The following PKIB variants were observed in gnomAD, a reference collection of about 807,000 sequenced individuals.
The protein encoded by PKIB is PKI-beta.
Under a neutral mutation model 4.5 loss-of-function variants are expected in PKIB, and 2 were observed. The observed-to-expected ratio is 0.44, with a 90% CI of 0.18 to 1.39. The LOEUF is 1.39. PKIB is among the 40% of genes most tolerant of loss of function. The probability of loss-of-function intolerance (pLI) is 0.27; values close to 1 mark genes in which losing one functional copy is unlikely to be tolerated. For missense variants in PKIB, 94 were observed against 92.6 expected, an observed-to-expected ratio of 1.02 and a Z score of -0.06; for synonymous variants, 38 against 36.0, an observed-to-expected ratio of 1.06 and a Z score of -0.20.
At chr6:122,579,768 C>T (rs1415147453) in intron 2 of PKIB, among the ~76,000 whole-genome samples, 3 of 152,060 alleles carry the variant, frequency 2.0e-5, no homozygotes, top group Admixed American at 6.6e-5. Context: ...AAAGCAGCAA[C>T]CTCTTCAGGT....
At position 122,549,891 on chromosome 6, in the gene PKIB, T is replaced by TACAC. The variant is rs757275679; in HGVS notation, c.-247-36014_-247-36011dup. Among the ~76,000 whole-genome samples, 36 of 144,170 alleles carry TACAC rather than the reference T, an allele frequency of 2.5e-4. 1 individual carries two copies. The highest frequency in any genetic ancestry group is 3.6e-3 in the Middle Eastern group (1 of 274). The allele number at this position is 144,170 out of a possible 152,430, so 94.6% of individuals were successfully genotyped here. A position where few individuals can be genotyped will look rare whatever the true frequency, so the allele number is the denominator to read the frequency against. On this transcript the variant is annotated intron_variant, in intron 2 of 6. Coordinates refer to the PKIB transcript ENST00000392491. ...ATATAAAAATATATAATTTTATATA[T>TACAC]ACACACACACACACACACATATATA...
intron 3 of PKIB, among the ~76,000 whole-genome samples, chr6:122,594,239 T>C (rs1185286618): frequency 2.0e-5 from 3 of 151,892 alleles, no homozygotes; most frequent in Middle Eastern, 3.2e-3. Context: ...GATGGAGTCT[T>C]GCTCTGTCAC....
At chr6:122,630,292 G>T (rs1265000006) in intron 1 of PKIB, among the ~76,000 whole-genome samples, 3 of 151,950 alleles carry the variant, frequency 2.0e-5, no homozygotes, top group African/African-American at 7.3e-5. Context: ...GTCCATTGAT[G>T]GATGAATACA....
rs1214178420 is a variant in PKIB, at chr6:122,725,352, T to C, written c.*157T>C. The C allele has an allele frequency of 9.8e-6, 6 of 612,750 alleles. No homozygotes were observed. In the East Asian group the frequency reaches 1.7e-4, roughly 17 times the overall value. The allele number at this position is 612,750 out of a possible 1,614,324, so 38.0% of individuals were successfully genotyped here. ...AATTGTGTTGTGATGCTACTCACTTTGATTGCAATGATGATGTCCAAGGTA... is the reference window on the plus strand; with the variant it reads ...AATTGTGTTGTGATGCTACTCACTTCGATTGCAATGATGATGTCCAAGGTA... On this transcript the variant is annotated 3_prime_UTR_variant, in exon 5 of 5. Coordinates refer to ENST00000368452, the MANE Select transcript of PKIB (RefSeq NM_181795.3).
intron 3 of PKIB, chr6:122,701,172 T>C (rs7743671): frequency 0.69 from 229,268 of 332,774 alleles, 82,413 homozygotes; most frequent in Non-Finnish European, 0.79. Flanking sequence ...GAAAGGTCAC[T>C]ACCTTTGCAT....
intron 1 of PKIB, among the ~76,000 whole-genome samples, chr6:122,611,758 G>T (rs1206032985): frequency 6.6e-6 from 1 of 152,118 alleles, no homozygotes; most frequent in Non-Finnish European, 1.5e-5. Context: ...AATGAGAACT[G>T]ATGACCATAA....
chr6:122,513,582 G>A (rs958224862), intron 2 of PKIB, among the ~76,000 whole-genome samples: 2 of 151,728 alleles, frequency 1.3e-5, no homozygotes, highest in Non-Finnish European at 2.9e-5. Context: ...CCAGGTTGTA[G>A]TAAACATAGT....
At chr6:122,712,590 A>G (rs1387064042) in intron 3 of PKIB, among the ~76,000 whole-genome samples, 1 of 152,078 alleles carries the variant, frequency 6.6e-6, no homozygotes, top group Non-Finnish European at 1.5e-5. Context: ...AAGCACTGAC[A>G]TTTTTTCCAA....
chr6:122,617,901 T>A (rs1318655252), intron 1 of PKIB, among the ~76,000 whole-genome samples: 1 of 152,178 alleles, frequency 6.6e-6, no homozygotes, highest in Non-Finnish European at 1.5e-5. Flanking sequence ...TTTGTAAGGA[T>A]GTTTTTTACA....
intron 2 of PKIB, among the ~76,000 whole-genome samples, chr6:122,664,106 C>T (rs1040280209): frequency 6.6e-6 from 1 of 152,190 alleles, no homozygotes; most frequent in Admixed American, 6.5e-5. Context: ...AACAGTAATA[C>T]TGCAATGTGG....
At chr6:122,580,116 A>G (rs570462447) in intron 2 of PKIB, among the ~76,000 whole-genome samples, 15 of 152,276 alleles carry the variant, frequency 9.9e-5, no homozygotes, top group African/African-American at 2.6e-4. Context: ...CTAGTTTGAT[A>G]TATAAAAGCA....
At chr6:122,504,098 T>G (rs1229072495) in intron 2 of PKIB, among the ~76,000 whole-genome samples, 2 of 152,212 alleles carry the variant, frequency 1.3e-5, no homozygotes, top group African/African-American at 4.8e-5. Context: ...CTCAGTGTTC[T>G]GGGCCTATGT....
intron 1 of PKIB, among the ~76,000 whole-genome samples, chr6:122,628,914 C>T (rs1775577627): frequency 6.6e-6 from 1 of 152,148 alleles, no homozygotes; most frequent in Non-Finnish European, 1.5e-5. Context: ...ATACAGGAAA[C>T]ATTCCTGGGT....
At chr6:122,543,060 G>T (rs189051363) in intron 2 of PKIB, among the ~76,000 whole-genome samples, 1 of 152,180 alleles carries the variant, frequency 6.6e-6, no homozygotes, top group Non-Finnish European at 1.5e-5. Context: ...TTTTAAGCCC[G>T]TTGGAAAAGC....
chr6:122,679,572 T>A (rs1265238854), intron 3 of PKIB, among the ~76,000 whole-genome samples: 1 of 152,120 alleles, frequency 6.6e-6, no homozygotes, highest in Non-Finnish European at 1.5e-5. Flanking sequence ...CATCCACAGA[T>A]TTAAAACCTA....
chr6:122,636,935 G>A (rs1306175821), intron 2 of PKIB, among the ~76,000 whole-genome samples: 1 of 152,076 alleles, frequency 6.6e-6, no homozygotes, highest in African/African-American at 2.4e-5. Context: ...GCATAAGAAA[G>A]ACCACATTTC....
chr6:122,599,791 T>A (rs967608030), intron 3 of PKIB, among the ~76,000 whole-genome samples: 7 of 152,132 alleles, frequency 4.6e-5, no homozygotes, highest in Admixed American at 4.6e-4. Flanking sequence ...CTATCAGTGT[T>A]CTCTATACTA....
intron 3 of PKIB, among the ~76,000 whole-genome samples, chr6:122,603,275 T>A (rs1774433110): frequency 6.6e-6 from 1 of 152,192 alleles, no homozygotes; most frequent in South Asian, 2.1e-4. Context: ...AAGGTGCTAC[T>A]TACTGGAGTT....
intron 3 of PKIB, among the ~76,000 whole-genome samples, chr6:122,679,261 T>G (rs1208839265): frequency 1.3e-5 from 2 of 152,172 alleles, no homozygotes; most frequent in Non-Finnish European, 2.9e-5. Context: ...TTATAAGTCC[T>G]GAATGGAGGG....
Sources: gnomAD v4.1 joint callset for allele counts (sites outside exome capture counted in the v4.1 genomes callset) on GRCh38, gnomAD v4.1.1 for gene constraint, MANE v1.5 for transcripts, NCBI Gene and HGNC (gene_info 2026-07-23, HGNC 2026-07-21) for gene names.